Variants in XPR1 observed in about 807,000 individuals in gnomAD.
XPR1 encodes xenotropic and polytropic retrovirus receptor 1.
Under a neutral mutation model 87.5 loss-of-function variants are expected in XPR1, and 28 were observed. That is an observed-to-expected ratio of 0.32 (90% confidence interval 0.24 to 0.44). XPR1 has a LOEUF of 0.44. XPR1 is among the 20% of genes least tolerant of loss of function. XPR1 has a pLI of 1.00. For synonymous variants in XPR1, 300 were observed against 306.1 expected (o/e 0.98, Z 0.21); for missense variants, 559 against 862.3 (o/e 0.65, Z 4.41).
intron 3 of XPR1, among the ~76,000 whole-genome samples, chr1:180,791,755 TTTCTA>T (rs1649400251): frequency 6.6e-6 from 1 of 152,342 alleles, no homozygotes; most frequent in African/African-American, 2.4e-5. Context: ...TTTCTATATT[TTTCTA>T]TTCTATTTGA....
At chr1:180,729,684 G>A (rs755304504) in intron 2 of XPR1, among the ~76,000 whole-genome samples, 6 of 152,052 alleles carry the variant, frequency 3.9e-5, no homozygotes, top group Non-Finnish European at 5.9e-5. Context: ...ATACTTGTTG[G>A]CCATGTGTAT....
intron 2 of XPR1, among the ~76,000 whole-genome samples, chr1:180,764,255 C>T (rs1419552356): frequency 1.3e-5 from 2 of 151,842 alleles, no homozygotes; most frequent in East Asian, 1.9e-4. Context: ...TACCTTCAGC[C>T]GATGTGTGTA....
intron 1 of XPR1, among the ~76,000 whole-genome samples, chr1:180,654,084 A>G (rs1452233745): frequency 1.3e-5 from 2 of 152,212 alleles, no homozygotes; most frequent in Non-Finnish European, 2.9e-5. Flanking sequence ...AAAGAATTAT[A>G]AGTTTCTGTT....
intron 9 of XPR1, among the ~76,000 whole-genome samples, chr1:180,832,013 A>G (rs945941503): frequency 1.3e-5 from 2 of 152,238 alleles, no homozygotes; most frequent in African/African-American, 2.4e-5. Context: ...ACTCCCACCA[A>G]CAGTGTAAAA....
intron 6 of XPR1, among the ~76,000 whole-genome samples, chr1:180,806,829 TA>T (rs1432229310): frequency 2.0e-5 from 3 of 151,932 alleles, no homozygotes; most frequent in African/African-American, 2.4e-5. Flanking sequence ...AGATGTGATT[TA>T]AAAAAAATGA....
At chr1:180,825,443 G>A (rs999074202) in intron 9 of XPR1, 99 bp downstream of exon 9, 11 of 1,264,276 alleles carry the variant, frequency 8.7e-6, no homozygotes, top group Non-Finnish European at 1.2e-5. Context: ...AACTGCAGAG[G>A]CCGTGGTTCA....
At position 180,703,854 on chromosome 1, in the gene XPR1, C is replaced by G. The variant is rs184627287; in HGVS notation, c.121+21443C>G. Among the ~76,000 whole-genome samples the G allele has an allele frequency of 5.2e-3, 786 of 152,212 alleles. 4 individuals are homozygous for G. Among genetic ancestry groups the G allele is most frequent in the Non-Finnish European group, 9.0e-3 (610 of 68,010 alleles). On this transcript the variant is annotated intron_variant, in intron 2 of 14. Transcript: ENST00000367590. ...ATTAATCTGGTCCTTAGTTGCCCTA[C>G]CCATATATCGAGTACTCAGTAGCGA...
intron 2 of XPR1, among the ~76,000 whole-genome samples, chr1:180,721,809 A>G (rs545730094): frequency 2.6e-5 from 4 of 152,310 alleles, no homozygotes; most frequent in Admixed American, 2.0e-4. Flanking sequence ...TAGTAAATAT[A>G]TTTTTCTTAC....
At chr1:180,667,939 T>C (rs1391523102) in intron 1 of XPR1, among the ~76,000 whole-genome samples, 1 of 152,114 alleles carries the variant, frequency 6.6e-6, no homozygotes, top group Non-Finnish European at 1.5e-5. Flanking sequence ...TGTCCTTACT[T>C]TCATTTCTGA....
At chr1:180,873,528 T>C (rs886621759) in intron 12 of XPR1, among the ~76,000 whole-genome samples, 7 of 152,242 alleles carry the variant, frequency 4.6e-5, no homozygotes, top group African/African-American at 1.7e-4. Flanking sequence ...AAGCCTGGTA[T>C]ACAGTATGGC....
intron 9 of XPR1, among the ~76,000 whole-genome samples, chr1:180,832,999 G>A (rs902814914): frequency 2.0e-4 from 31 of 152,172 alleles, no homozygotes; most frequent in African/African-American, 6.5e-4. Context: ...ATGAGCATGA[G>A]TGTTTTCCCA....
chr1:180,682,180 C>T (rs1482750691), intron 1 of XPR1, among the ~76,000 whole-genome samples, 180 bp from the exon 2 acceptor site: 1 of 152,058 alleles, frequency 6.6e-6, no homozygotes, highest in African/African-American at 2.4e-5. Flanking sequence ...TTGGACAATA[C>T]TGGATTGATG....
chr1:180,825,262 T>A lies in XPR1; in HGVS notation c.1052T>A (p.Leu351His). 1 of 1,614,066 alleles carries A rather than the reference T, an allele frequency of 6.2e-7. No individual in the cohort carries two copies. The highest frequency in any genetic ancestry group is 8.5e-7 in the Non-Finnish European group (1 of 1,179,968). Reference protein sequence around the residue: ...VIPTYVYPLALYGFMVFFLIN... With the variant: ...VIPTYVYPLAHYGFMVFFLIN... The stretch of plus-strand genomic sequence containing the variant: ...CCCACATATGTGTATCCACTTGCCC[T>A]TTATGGATTTATGGTTTTCTTCCTT... The change falls in exon 9 of 15, where the codon CTT (leucine) becomes CAT (histidine). Residue 351 changes from leucine (L) to histidine (H), a missense_variant. Leu to His is a moderately conservative substitution (Grantham distance 99, BLOSUM62 -3). Around this residue, in one of 7 missense-constraint regions of XPR1, gnomAD observed 264 missense variants for 377.2 expected, o/e 0.70. Transcript: ENST00000367590.
intron 13 of XPR1, 104 bp downstream of exon 13, chr1:180,874,046 A>C: frequency 2.3e-6 from 3 of 1,307,654 alleles, no homozygotes; most frequent in Non-Finnish European, 3.1e-6. Context: ...AAAACCTTTA[A>C]TTTTCCAACT....
intron 6 of XPR1, among the ~76,000 whole-genome samples, chr1:180,810,757 C>A (rs777762267): frequency 6.6e-6 from 1 of 151,534 alleles, no homozygotes. Flanking sequence ...TTAACTCTCT[C>A]CTATTTACAA....
At chr1:180,712,187 C>G (rs1376820102) in intron 2 of XPR1, among the ~76,000 whole-genome samples, 1 of 152,208 alleles carries the variant, frequency 6.6e-6, no homozygotes, top group East Asian at 1.9e-4. Flanking sequence ...ATGTCAGCAT[C>G]ATTACTCTTG....
chr1:180,641,740 C>T (rs17301370), intron 1 of XPR1, among the ~76,000 whole-genome samples: 8,120 of 152,108 alleles, frequency 0.053, 311 homozygotes, highest in Non-Finnish European at 0.079. Context: ...CCTTCTCAAC[C>T]CCTCTGTTTT....
chr1:180,780,848 T>G (rs1006612252), intron 2 of XPR1, among the ~76,000 whole-genome samples: 1 of 152,062 alleles, frequency 6.6e-6, no homozygotes, highest in African/African-American at 2.4e-5. Flanking sequence ...AGTCCTGATA[T>G]GGGTTTGCAA....
chr1:180,859,303 TTTTA>T (rs1380771233), intron 11 of XPR1, among the ~76,000 whole-genome samples: 3 of 152,174 alleles, frequency 2.0e-5, no homozygotes, highest in Admixed American at 1.3e-4. Flanking sequence ...TTATTTTTAT[TTTTA>T]TTTGTTTTAA....
Sources: allele counts gnomAD v4.1 joint callset (sites outside exome capture counted in the v4.1 genomes callset), GRCh38; gene constraint gnomAD v4.1.1; regional missense constraint gnomAD v4.1.1; transcripts MANE v1.5; gene names NCBI Gene and HGNC (gene_info 2026-07-23, HGNC 2026-07-21).